The following PAPPA2 variants were observed in gnomAD, a reference collection of about 807,000 sequenced individuals.
The protein encoded by PAPPA2 is pappalysin-2.
Under a neutral mutation model 176.4 loss-of-function variants are expected in PAPPA2, and 86 were observed. That is an observed-to-expected ratio of 0.49 (90% CI 0.41 to 0.58). The LOEUF (loss-of-function observed/expected upper bound fraction) is 0.58, where lower values mean the gene tolerates loss of function less well. Among genes scored for constraint, PAPPA2 ranks in the 20% least tolerant of loss-of-function variants. PAPPA2 has a pLI of 0.00. For missense variants in PAPPA2, 2,073 were observed against 2,256.9 expected, an observed-to-expected ratio of 0.92 and a Z score of 1.65; for synonymous variants, 809 against 852.2, an observed-to-expected ratio of 0.95 and a Z score of 0.88.
chr1:176,705,673 T>G (rs1660851380), intron 9 of PAPPA2, among the ~76,000 whole-genome samples: 1 of 152,196 alleles, frequency 6.6e-6, no homozygotes, highest in Non-Finnish European at 1.5e-5. Flanking sequence ...CAATTCAAAT[T>G]TTGTTGTCTG....
At chr1:176,646,784 A>G (rs1657421958) in intron 3 of PAPPA2, among the ~76,000 whole-genome samples, 1 of 151,512 alleles carries the variant, frequency 6.6e-6, no homozygotes, top group East Asian at 1.9e-4. Flanking sequence ...GCATCTACGT[A>G]TCACATTTTC....
chr1:176,812,427 T>C (rs1283187828), intron 21 of PAPPA2, among the ~76,000 whole-genome samples: 5 of 152,206 alleles, frequency 3.3e-5, no homozygotes, highest in Non-Finnish European at 5.9e-5. Flanking sequence ...TAGATAACTC[T>C]AGATTCTCCT....
chr1:176,648,064 A>G (rs1163604958), intron 3 of PAPPA2, among the ~76,000 whole-genome samples: 1 of 151,562 alleles, frequency 6.6e-6, no homozygotes, highest in Non-Finnish European at 1.5e-5. Flanking sequence ...CTTCCAATCC[A>G]TAAGCTTGAA....
At chr1:176,709,449 C>G (rs1055853930) in intron 10 of PAPPA2, among the ~76,000 whole-genome samples, 1 of 152,018 alleles carries the variant, frequency 6.6e-6, no homozygotes, top group Non-Finnish European at 1.5e-5. Flanking sequence ...AAGCCTGGAG[C>G]CTATATTCTC....
chr1:176,713,829 A>G (rs960341657), intron 12 of PAPPA2, among the ~76,000 whole-genome samples: 1 of 152,220 alleles, frequency 6.6e-6, no homozygotes, highest in Non-Finnish European at 1.5e-5. Context: ...ACTAATTACT[A>G]CAAGCCAAGA....
chr1:176,593,765 G>A (rs1040234561), intron 2 of PAPPA2, among the ~76,000 whole-genome samples: 1 of 152,214 alleles, frequency 6.6e-6, no homozygotes, highest in Non-Finnish European at 1.5e-5. Flanking sequence ...TGTATGATAA[G>A]ACCTTTACTA....
intron 4 of PAPPA2, among the ~76,000 whole-genome samples, chr1:176,673,843 G>A (rs562976744): frequency 6.0e-4 from 92 of 152,190 alleles, no homozygotes; most frequent in African/African-American, 2.1e-3. Context: ...CAGGGAAATT[G>A]CCACATTCTC....
chr1:176,655,216 A>G (rs761712392), intron 3 of PAPPA2, among the ~76,000 whole-genome samples: 11 of 151,820 alleles, frequency 7.2e-5, no homozygotes, highest in Non-Finnish European at 1.5e-4. Context: ...TTTGTCATAT[A>G]TGACTTTTTT....
intron 2 of PAPPA2, among the ~76,000 whole-genome samples, chr1:176,583,852 TGA>T (rs1274955118): frequency 6.6e-6 from 1 of 152,152 alleles, no homozygotes; most frequent in Non-Finnish European, 1.5e-5. Flanking sequence ...CCCAAGAGTT[TGA>T]GACCAGCCTG....
chr1:176,520,953 T>TA (rs1040322350), intron 1 of PAPPA2, among the ~76,000 whole-genome samples: 3 of 151,950 alleles, frequency 2.0e-5, no homozygotes, highest in African/African-American at 4.8e-5. Flanking sequence ...CTTTTCTAAA[T>TA]AAAAAAATAA....
At chr1:176,528,753 A>AG (rs1277572838) in intron 1 of PAPPA2, among the ~76,000 whole-genome samples, 1 of 152,184 alleles carries the variant, frequency 6.6e-6, no homozygotes, top group African/African-American at 2.4e-5. Flanking sequence ...TCAGGTCTAC[A>AG]GTCCATGATT....
At chr1:176,643,432 T>A (rs542415191) in intron 3 of PAPPA2, among the ~76,000 whole-genome samples, 120 of 151,592 alleles carry the variant, frequency 7.9e-4, no homozygotes, top group African/African-American at 2.5e-3. Context: ...TTTTTTTTTT[T>A]AAATGCTTTA....
rs1664199410 is a variant in PAPPA2 at position 176,771,010 on chromosome 1, T to C, written c.4545T>C (p.Ser1515=). The change falls in exon 17 of 23, where the codon TCT becomes TCC. Residue 1515 remains serine (S), a synonymous_variant. Transcript: ENST00000367662. ...CATGTCTTGAAGATGGTCTCTGGTC[T>C]CTCCCTGAAGTCTACTGCAAGTTGG... ...WLTCLEDGLW[S]LPEVYCKLEC... is the part of the protein sequence containing the mutation. 1 of 1,614,198 alleles carries C rather than the reference T, an allele frequency of 6.2e-7. No individual in the cohort carries two copies. The highest frequency in any genetic ancestry group is 1.7e-5 in the Admixed American group (1 of 60,018).
intron 20 of PAPPA2, among the ~76,000 whole-genome samples, chr1:176,796,897 C>A (rs1321687395): frequency 4.0e-5 from 6 of 151,666 alleles, no homozygotes; most frequent in Non-Finnish European, 1.5e-5. Context: ...TTCCTTCCCT[C>A]CCACTCCCTT....
At chr1:176,693,538 C>T (rs1049590667) in intron 6 of PAPPA2, among the ~76,000 whole-genome samples, 1 of 152,242 alleles carries the variant, frequency 6.6e-6, no homozygotes, top group African/African-American at 2.4e-5. Context: ...GTTTCCGTGC[C>T]CTTCAGCTTT....
chr1:176,624,915 A>G (rs1655920739), intron 3 of PAPPA2, among the ~76,000 whole-genome samples: 1 of 152,112 alleles, frequency 6.6e-6, no homozygotes. Context: ...AGGAGAGTGG[A>G]TGTATAAGTG....
chr1:176,711,528 C>A (rs1661140705), intron 11 of PAPPA2, among the ~76,000 whole-genome samples: 1 of 152,168 alleles, frequency 6.6e-6, no homozygotes, highest in Non-Finnish European at 1.5e-5. Context: ...CCCAGACAGA[C>A]TTCCCTGGCT....
At chr1:176,776,565 C>A (rs751766982) in intron 17 of PAPPA2, among the ~76,000 whole-genome samples, 22 of 152,062 alleles carry the variant, frequency 1.4e-4, no homozygotes, top group Non-Finnish European at 2.9e-4. Flanking sequence ...TTTAGTGGAG[C>A]CTTGTCTGAC....
intron 3 of PAPPA2, among the ~76,000 whole-genome samples, chr1:176,611,043 A>G (rs1161314981): frequency 6.6e-6 from 1 of 152,128 alleles, no homozygotes; most frequent in Non-Finnish European, 1.5e-5. Flanking sequence ...TAACTAACCA[A>G]CTTGTCTTTC....
Sources: gnomAD v4.1 joint callset for allele counts (sites outside exome capture counted in the v4.1 genomes callset) on GRCh38, gnomAD v4.1.1 for gene constraint, MANE v1.5 for transcripts, NCBI Gene and HGNC (gene_info 2026-07-23, HGNC 2026-07-21) for gene names.